The following STK3 variants were observed in gnomAD, a reference collection of about 807,000 sequenced individuals.
The protein encoded by STK3 is serine/threonine-protein kinase 3.
A neutral mutation model predicts 58.0 loss-of-function variants in STK3; 41 were observed. The ratio of observed to expected loss-of-function variants is 0.71; its 90% CI spans 0.55 to 0.92. The LOEUF (loss-of-function observed/expected upper bound fraction) is 0.92. Among genes scored for constraint, STK3 ranks in the 40% least tolerant of loss-of-function variants. The pLI is 0.00. For synonymous variants in STK3, 170 were observed against 191.0 expected (o/e 0.89, Z 0.91); for missense variants, 479 against 602.7 (o/e 0.79, Z 2.15).
chr8:98,448,636 C>G (rs1181158493), intron 1 of STK3, among the ~76,000 whole-genome samples: 1 of 152,128 alleles, frequency 6.6e-6, no homozygotes, highest in East Asian at 1.9e-4. Flanking sequence ...CTTGGACATT[C>G]TATAAAAATT....
chr8:98,699,749 G>A (rs1168760132), intron 6 of STK3, among the ~76,000 whole-genome samples: 2 of 152,188 alleles, frequency 1.3e-5, no homozygotes, highest in East Asian at 1.9e-4. Context: ...GTACCCGGCC[G>A]TGTGAGGTGT....
At chr8:98,756,059 C>T (rs1395520121) in intron 3 of STK3, among the ~76,000 whole-genome samples, 1 of 151,880 alleles carries the variant, frequency 6.6e-6, no homozygotes, top group Non-Finnish European at 1.5e-5. Context: ...AGGAGAATCG[C>T]TTGAACCCGG....
At chr8:98,607,954 C>T (rs1057174505) in intron 6 of STK3, among the ~76,000 whole-genome samples, 83 of 152,188 alleles carry the variant, frequency 5.5e-4, no homozygotes, top group African/African-American at 1.8e-3. Context: ...TGACATTACC[C>T]GTTCACATAT....
chr8:98,911,385 T>C (rs1839126808), intron 1 of STK3, among the ~76,000 whole-genome samples: 1 of 104,630 alleles, frequency 9.6e-6, no homozygotes, highest in Non-Finnish European at 2.0e-5. Context: ...TATTGTATTG[T>C]ATTTATTTAT....
At chr8:98,928,942 C>G (rs905088778) in intron 1 of STK3, among the ~76,000 whole-genome samples, 1 of 152,168 alleles carries the variant, frequency 6.6e-6, no homozygotes, top group African/African-American at 2.4e-5. Context: ...AAGAGTTGAG[C>G]TGAAAAAGAT....
At chr8:98,737,019 A>C (rs1269854762) in intron 4 of STK3, among the ~76,000 whole-genome samples, 1 of 152,210 alleles carries the variant, frequency 6.6e-6, no homozygotes, top group Non-Finnish European at 1.5e-5. Flanking sequence ...TTATGCTGTC[A>C]CAACAACATC....
intron 6 of STK3, among the ~76,000 whole-genome samples, chr8:98,652,952 G>T (rs1821085720): frequency 6.6e-6 from 1 of 152,114 alleles, no homozygotes; most frequent in Admixed American, 6.6e-5. Flanking sequence ...GCATACCCAG[G>T]AACTGAACTC....
chr8:98,905,636 T>G, intron 1 of STK3: 1 of 840,206 alleles, frequency 1.2e-6, no homozygotes, highest in Non-Finnish European at 2.1e-6. Context: ...CTCTGTGGCC[T>G]CCTGGGGCAG....
At chr8:98,929,126 C>T (rs1839916079) in intron 1 of STK3, among the ~76,000 whole-genome samples, 1 of 152,100 alleles carries the variant, frequency 6.6e-6, no homozygotes, top group East Asian at 1.9e-4. Context: ...ATTAGCCAGG[C>T]ATGGTGGCAG....
rs1157616915 is a variant in STK3 at position 98,584,745 on chromosome 8, T to A, written c.823-4956A>T. ...GTAAAAGTGTTCCTATTTCTCCACA[T>A]CCTCTCCAGCACCTGTTGTTTCCTG... On this transcript the variant is annotated intron_variant, in intron 7 of 10. Transcript: ENST00000419617. Among the ~76,000 whole-genome samples the A allele has an allele frequency of 2.0e-5, 3 of 149,402 alleles. No homozygotes were observed. In the Admixed American group the frequency reaches 2.0e-4, roughly 10 times the overall value.
chr8:98,374,764 C>G (rs964874562), intron 2 of STK3, among the ~76,000 whole-genome samples: 6 of 152,094 alleles, frequency 3.9e-5, no homozygotes, highest in African/African-American at 1.4e-4. Context: ...ACTGTGTAAA[C>G]TACATTTCAT....
downstream of STK3, among the ~76,000 whole-genome samples, chr8:98,396,828 C>G (rs181638685): frequency 2.0e-3 from 301 of 152,342 alleles, 7 homozygotes; most frequent in Non-Finnish European, 1.2e-3. Flanking sequence ...TCACACATGA[C>G]TGCACAAAGT....
At chr8:98,709,895 G>A (rs1826260612) in intron 4 of STK3, among the ~76,000 whole-genome samples, 1 of 151,370 alleles carries the variant, frequency 6.6e-6, no homozygotes, top group African/African-American at 2.4e-5. Flanking sequence ...GATGCTATTA[G>A]GTTGGTGCAA....
At chr8:98,526,975 T>G in intron 9 of STK3, 58 bp from the exon 10 acceptor site, 1 of 1,326,884 alleles carries the variant, frequency 7.5e-7, no homozygotes, top group African/African-American at 1.5e-5. Context: ...GGAAGTATTT[T>G]CTTTGAAGTA....
intron 10 of STK3, among the ~76,000 whole-genome samples, chr8:98,491,299 A>G (rs1822681133): frequency 6.6e-6 from 1 of 152,234 alleles, no homozygotes; most frequent in African/African-American, 2.4e-5. Context: ...TTTCAAATAA[A>G]TGATGATGAA....
chr8:98,498,075 T>A (rs1428484506), intron 10 of STK3, among the ~76,000 whole-genome samples: 1 of 152,168 alleles, frequency 6.6e-6, no homozygotes, highest in African/African-American at 2.4e-5. Flanking sequence ...CCATATTATG[T>A]ATGAACACAC....
intron 3 of STK3, among the ~76,000 whole-genome samples, chr8:98,414,766 C>T (rs901959480): frequency 2.0e-5 from 3 of 152,182 alleles, no homozygotes; most frequent in Non-Finnish European, 4.4e-5. Context: ...ATGTGGGCCA[C>T]TTCTGAGCCT....
intron 4 of STK3, among the ~76,000 whole-genome samples, chr8:98,748,504 T>C (rs534104761): frequency 6.6e-6 from 1 of 152,152 alleles, no homozygotes; most frequent in South Asian, 2.1e-4. Flanking sequence ...AACTACAAAT[T>C]GACTGAAGTA....
intron 4 of STK3, among the ~76,000 whole-genome samples, chr8:98,718,805 T>C (rs1320663436): frequency 6.6e-6 from 1 of 152,090 alleles, no homozygotes; most frequent in African/African-American, 2.4e-5. Flanking sequence ...TTAATATGTG[T>C]GATACATTAT....
Sources: gnomAD v4.1 joint callset for allele counts (sites outside exome capture counted in the v4.1 genomes callset) on GRCh38, gnomAD v4.1.1 for gene constraint, MANE v1.5 for transcripts, NCBI Gene and HGNC (gene_info 2026-07-23, HGNC 2026-07-21) for gene names.